The following DIAPH3 variants were observed in gnomAD, a reference collection of about 807,000 sequenced individuals.
The protein encoded by DIAPH3 is diaphanous related formin 3, also known as protein diaphanous homolog 3.
A neutral mutation model predicts 144.3 loss-of-function variants in DIAPH3; 117 were observed. The ratio of observed to expected loss-of-function variants is 0.81; its 90% CI spans 0.70 to 0.95. DIAPH3 has a LOEUF of 0.95. Among genes scored for constraint, DIAPH3 ranks in the 40% least tolerant of loss-of-function variants. The pLI is 0.00. For synonymous variants in DIAPH3, 519 were observed against 488.9 expected (o/e 1.06, Z -0.81); for missense variants, 1,421 against 1,412.7 (o/e 1.01, Z -0.09).
At chr13:60,046,186 A>G (rs1483589378) in intron 4 of DIAPH3, among the ~76,000 whole-genome samples, 5 of 152,214 alleles carry the variant, frequency 3.3e-5, no homozygotes, top group African/African-American at 1.2e-4. Flanking sequence ...CATTTTATAA[A>G]GTCCTTACAG....
At chr13:59,864,634 A>G (rs2043808261) in intron 21 of DIAPH3, among the ~76,000 whole-genome samples, 1 of 152,102 alleles carries the variant, frequency 6.6e-6, no homozygotes, top group Non-Finnish European at 1.5e-5. Flanking sequence ...TTTGTAAGCA[A>G]TGAGAATTCA....
At chr13:60,155,730 A>G (rs1209165523) in intron 1 of DIAPH3, among the ~76,000 whole-genome samples, 1 of 152,226 alleles carries the variant, frequency 6.6e-6, no homozygotes, top group African/African-American at 2.4e-5. Flanking sequence ...TCAATGAAGG[A>G]ACAAGTTCAA....
intron 1 of DIAPH3, among the ~76,000 whole-genome samples, chr13:60,152,515 C>A (rs1951834513): frequency 6.9e-6 from 1 of 144,612 alleles, no homozygotes; most frequent in African/African-American, 2.6e-5. Context: ...TAAATTGGAA[C>A]CCTAAAAAAA....
At chr13:59,864,879 A>C (rs1412176087) in intron 21 of DIAPH3, among the ~76,000 whole-genome samples, 1 of 152,044 alleles carries the variant, frequency 6.6e-6, no homozygotes, top group Non-Finnish European at 1.5e-5. Flanking sequence ...AAAGGGAAGC[A>C]CAATATTCCT....
At chr13:60,020,100 A>G (rs903874154) in intron 5 of DIAPH3, among the ~76,000 whole-genome samples, 1 of 152,198 alleles carries the variant, frequency 6.6e-6, no homozygotes, top group South Asian at 2.1e-4. Context: ...CGTTTCTTAT[A>G]TATCATATTT....
chr13:60,084,847 G>A (rs1157302216), intron 4 of DIAPH3, among the ~76,000 whole-genome samples: 1 of 152,078 alleles, frequency 6.6e-6, no homozygotes, highest in Admixed American at 6.6e-5. Context: ...GGTTGTGGGG[G>A]AAACCACTAC....
chr13:60,067,749 TTTGA>T (rs765121588), intron 4 of DIAPH3, among the ~76,000 whole-genome samples: 19 of 152,246 alleles, frequency 1.2e-4, no homozygotes, highest in Middle Eastern at 6.8e-3. Context: ...TCTTCTTTAA[TTTGA>T]TTGTGTATAT....
intron 24 of DIAPH3, among the ~76,000 whole-genome samples, chr13:59,814,501 T>C (rs1477776114): frequency 2.6e-5 from 4 of 152,128 alleles, no homozygotes; most frequent in Admixed American, 6.6e-5. Flanking sequence ...GTTCAAACAG[T>C]AATTTGAGAT....
chr13:59,697,991 T>C (rs2033910963), intron 27 of DIAPH3, among the ~76,000 whole-genome samples: 1 of 152,226 alleles, frequency 6.6e-6, no homozygotes, highest in Non-Finnish European at 1.5e-5. Context: ...ATAACACTCC[T>C]GGCATTTTTT....
chr13:60,066,281 T>C, intron 4 of DIAPH3, among the ~76,000 whole-genome samples: 1 of 152,262 alleles, frequency 6.6e-6, no homozygotes, highest in Admixed American at 6.5e-5. Flanking sequence ...AAATATCCTA[T>C]ATATTATAAA....
chr13:60,063,543 G>A (rs531561774), intron 4 of DIAPH3, among the ~76,000 whole-genome samples: 1 of 152,276 alleles, frequency 6.6e-6, no homozygotes, highest in Admixed American at 6.5e-5. Context: ...CCAGCCTTGA[G>A]AAATGTATTT....
At chr13:60,025,361 A>G (rs1192350869) in intron 5 of DIAPH3, among the ~76,000 whole-genome samples, 1 of 127,088 alleles carries the variant, frequency 7.9e-6, no homozygotes. Context: ...GTCTTCTTAT[A>G]TTTGTTTCAC....
chr13:60,093,082 G>C (rs2058003412), intron 4 of DIAPH3, among the ~76,000 whole-genome samples: 1 of 152,164 alleles, frequency 6.6e-6, no homozygotes, highest in Non-Finnish European at 1.5e-5. Context: ...CTGTGTGCCA[G>C]TCATGGTTTC....
intron 4 of DIAPH3, among the ~76,000 whole-genome samples, chr13:60,051,167 G>T (rs534388073): frequency 2.3e-4 from 35 of 152,016 alleles, no homozygotes; most frequent in Admixed American, 9.2e-4. Flanking sequence ...CTGTAAAGGG[G>T]AAAAAAGAAC....
chr13:59,795,290 G>A (rs1274265885), intron 25 of DIAPH3, among the ~76,000 whole-genome samples: 1 of 152,092 alleles, frequency 6.6e-6, no homozygotes, highest in Non-Finnish European at 1.5e-5. Flanking sequence ...TAGATAGGCT[G>A]ATAATATAAT....
At chr13:60,036,090 T>C (rs2055187676) in intron 5 of DIAPH3, among the ~76,000 whole-genome samples, 1 of 152,320 alleles carries the variant, frequency 6.6e-6, no homozygotes, top group Non-Finnish European at 1.5e-5. Context: ...CAGCACTCTC[T>C]GCTGAAGGGA....
intron 8 of DIAPH3, among the ~76,000 whole-genome samples, chr13:60,009,787 C>A (rs1174747932): frequency 5.9e-5 from 9 of 152,178 alleles, no homozygotes; most frequent in Admixed American, 5.9e-4. Flanking sequence ...TTCAAACGAA[C>A]ACAGGAGGCT....
chr13:59,862,884 C>A (rs2043683347), intron 21 of DIAPH3, among the ~76,000 whole-genome samples: 1 of 152,056 alleles, frequency 6.6e-6, no homozygotes, highest in Non-Finnish European at 1.5e-5. Context: ...TTTTGCTCTC[C>A]AAGAACCAAC....
chr13:59,816,073 T>A (rs982582000), intron 24 of DIAPH3, among the ~76,000 whole-genome samples: 1 of 151,904 alleles, frequency 6.6e-6, no homozygotes, highest in Admixed American at 6.6e-5. Context: ...AATTTCACAA[T>A]TTTTTTTCCC....
Sources: gnomAD v4.1 joint callset for allele counts (sites outside exome capture counted in the v4.1 genomes callset) on GRCh38, gnomAD v4.1.1 for gene constraint, MANE v1.5 for transcripts, NCBI Gene and HGNC (gene_info 2026-07-23, HGNC 2026-07-21) for gene names.